Variants in RYR3 observed in about 807,000 individuals in gnomAD.
RYR3 encodes the protein ryanodine receptor 3.
In RYR3, 207 loss-of-function variants were observed where a neutral mutation model predicts 584.3. The ratio of observed to expected loss-of-function variants is 0.35; its 90% CI spans 0.32 to 0.40. The LOEUF is 0.40. Among genes scored for constraint, RYR3 ranks in the 10% least tolerant of loss-of-function variants. The probability of loss-of-function intolerance (pLI) is 1.00; values close to 1 mark genes in which losing one functional copy is unlikely to be tolerated. For synonymous variants in RYR3, 2,416 were observed against 2,248.5 expected (o/e 1.07, Z -2.11); for missense variants, 5,616 against 6,089.2 (o/e 0.92, Z 2.59).
intron 72 of RYR3, 119 bp downstream of exon 72, chr15:33,811,156 A>G: frequency 1.2e-6 from 1 of 855,620 alleles, no homozygotes; most frequent in Non-Finnish European, 1.9e-6. Flanking sequence ...GTTTGGGGGT[A>G]TTTGTGTTTA....
At chr15:33,591,631 G>T (rs896952212) in intron 16 of RYR3, among the ~76,000 whole-genome samples, 3 of 152,096 alleles carry the variant, frequency 2.0e-5, no homozygotes, top group Non-Finnish European at 4.4e-5. Flanking sequence ...TATAAATAAT[G>T]TATGCATTTT....
At chr15:33,716,140 G>C (rs1001167078) in intron 43 of RYR3, among the ~76,000 whole-genome samples, 9 of 152,112 alleles carry the variant, frequency 5.9e-5, no homozygotes, top group African/African-American at 2.2e-4. Context: ...ATGAGTAAAA[G>C]TTTCCCAAGG....
intron 12 of RYR3, among the ~76,000 whole-genome samples, chr15:33,574,523 G>A (rs1310577522): frequency 2.6e-5 from 4 of 152,128 alleles, no homozygotes; most frequent in Non-Finnish European, 5.9e-5. Flanking sequence ...GCCAGGCACT[G>A]CTAGGAGTTG....
chr15:33,394,375 C>T (rs562533958), intron 1 of RYR3, among the ~76,000 whole-genome samples: 10 of 152,234 alleles, frequency 6.6e-5, no homozygotes, highest in Middle Eastern at 3.4e-3. Context: ...GCAGAAAAAT[C>T]GGAGTATGTA....
At chr15:33,463,612 G>T (rs904644725) in intron 1 of RYR3, among the ~76,000 whole-genome samples, 2 of 152,122 alleles carry the variant, frequency 1.3e-5, no homozygotes, top group Non-Finnish European at 2.9e-5. Context: ...AGCATGTTCT[G>T]CCTGAGAGAG....
intron 38 of RYR3, among the ~76,000 whole-genome samples, chr15:33,686,993 T>C (rs540007875): frequency 1.3e-5 from 2 of 152,328 alleles, no homozygotes; most frequent in African/African-American, 4.8e-5. Context: ...AGCATTCCCT[T>C]TGAAAATCGG....
chr15:33,311,044 C>T lies in RYR3; in HGVS notation c.-2C>T, dbSNP rs1215737669. 1 of 1,579,910 alleles carries T rather than the reference C, an allele frequency of 6.3e-7. No homozygotes were observed. Among genetic ancestry groups the T allele is most frequent in the Non-Finnish European group, 8.6e-7 (1 of 1,164,712 alleles). Reference sequence around the variant, plus strand: ...TGGGGCACCGCCGACGCCTCGGGAGCCATGGCCGAAGGGGGAGAAGGAGGC... The same window carrying T: ...TGGGGCACCGCCGACGCCTCGGGAGTCATGGCCGAAGGGGGAGAAGGAGGC... On this transcript the variant is annotated 5_prime_UTR_variant, in exon 1 of 104. Transcript: ENST00000634891. The surrounding 1 kb of genome is among the most constrained non-coding windows in gnomAD (Gnocchi z 4.4).
chr15:33,706,132 A>G lies in RYR3; in HGVS notation c.6484-787A>G, dbSNP rs564912003. On this transcript the variant is annotated intron_variant, in intron 42 of 103. Coordinates refer to ENST00000634891, the MANE Select transcript of RYR3 (RefSeq NM_001036.6). ...TTAGAATTTCACAGGCCTCACAGCTATCTTATAAAAAAAAAAATAAAAACT... is the reference window on the plus strand; with the variant it reads ...TTAGAATTTCACAGGCCTCACAGCTGTCTTATAAAAAAAAAAATAAAAACT... 3.3e-5 allele frequency among the ~76,000 whole-genome samples: 5 copies of G among 152,204 alleles called. 1 individual carries two copies. The highest frequency in any genetic ancestry group is 4.2e-4 in the South Asian group (2 of 4,812).
intron 1 of RYR3, among the ~76,000 whole-genome samples, chr15:33,423,209 G>A (rs2044360749): frequency 6.6e-6 from 1 of 151,962 alleles, no homozygotes; most frequent in Admixed American, 6.6e-5. Context: ...CTGTGTCTAT[G>A]GATTTGCCTA....
Position 33,813,692 on chromosome 15 carries a change from G to A in RYR3, c.10502+113G>A, listed in dbSNP as rs942464346. ...CAAGGAATAGAAATTGGAATCCTTGGCCTATGGAGCTATTGCAGTCTGCAT... is the reference window on the plus strand; with the variant it reads ...CAAGGAATAGAAATTGGAATCCTTGACCTATGGAGCTATTGCAGTCTGCAT... On this transcript the variant is annotated intron_variant, in intron 74 of 103. Transcript: ENST00000634891. 8 of 869,854 alleles carry A rather than the reference G, an allele frequency of 9.2e-6. No homozygotes were observed. In the African/African-American group the frequency reaches 1.2e-4, roughly 13 times the overall value. The allele number at this position is 869,854 out of a possible 1,614,324, so 53.9% of individuals were successfully genotyped here.
chr15:33,498,673 G>A (rs2572161), intron 2 of RYR3, among the ~76,000 whole-genome samples: 7,210 of 152,106 alleles, frequency 0.047, 444 homozygotes, highest in African/African-American at 0.14. Context: ...CTGTGCACAA[G>A]CTTTTTTGAT....
In RYR3 at chr15:33,373,257, C is replaced by T. The variant is rs1412830330; in HGVS notation, c.51+62161C>T. Among the ~76,000 whole-genome samples the T allele has an allele frequency of 3.3e-5, 5 of 152,322 alleles. No individual in the cohort carries two copies. The East Asian group carries it at 5.8e-4, about 18-fold the overall frequency. On this transcript the variant is annotated intron_variant, in intron 1 of 103. Transcript: ENST00000634891. The stretch of plus-strand genomic sequence containing the variant: ...ATACATCTCCATATGGTGTTACAGT[C>T]CTTACATCTTTCCTCTTCCCTTTTC...
intron 36 of RYR3, among the ~76,000 whole-genome samples, chr15:33,668,392 G>C (rs114972714): frequency 0.014 from 2,099 of 152,068 alleles, 45 homozygotes; most frequent in African/African-American, 0.048. Context: ...AATACATGTA[G>C]AGTATAAAAG....
chr15:33,645,252 G>T (rs1332862280), intron 28 of RYR3, among the ~76,000 whole-genome samples: 3 of 152,044 alleles, frequency 2.0e-5, no homozygotes, highest in Non-Finnish European at 4.4e-5. Flanking sequence ...TTTAGTTCTG[G>T]CCCTACATGG....
chr15:33,359,775 A>T lies in RYR3; in HGVS notation c.51+48679A>T, dbSNP rs2596180. ...CTGGGACTACAGGCGCCCACCACCA[A>T]GCCTGGCTAATTTTTTTTGTATTTT... On this transcript the variant is annotated intron_variant, in intron 1 of 103. Coordinates refer to ENST00000634891, the MANE Select transcript of RYR3 (RefSeq NM_001036.6). Among the ~76,000 whole-genome samples the T allele has an allele frequency of 1.3e-4, 20 of 151,810 alleles. No individual in the cohort carries two copies. The East Asian group carries it at 3.5e-3, about 26-fold the overall frequency.
At chr15:33,314,892 C>T (rs893997214) in intron 1 of RYR3, among the ~76,000 whole-genome samples, 1 of 150,898 alleles carries the variant, frequency 6.6e-6, no homozygotes, top group Non-Finnish European at 1.5e-5. Flanking sequence ...CTAGCCTGGG[C>T]GGCAGAGCAA....
At chr15:33,628,665 C>T in intron 21 of RYR3, 90 bp downstream of exon 21, 1 of 810,042 alleles carries the variant, frequency 1.2e-6, no homozygotes. Flanking sequence ...GTTTTCATTG[C>T]ATTCACTAGT....
At position 33,857,878 on chromosome 15, in the gene RYR3, T is replaced by A; in HGVS notation, c.14106T>A (p.Asp4702Glu). The A allele has an allele frequency of 1.2e-6, 2 of 1,614,220 alleles. No homozygotes were observed. Among genetic ancestry groups the A allele is most frequent in the Non-Finnish European group, 1.7e-6 (2 of 1,180,036 alleles). Residue 4702 changes from aspartate to glutamate, a missense_variant, in exon 99 of 104, where the codon GAT (aspartate) becomes GAA (glutamate). Around this residue, in one of 9 missense-constraint regions of RYR3, gnomAD observed 918 missense variants for 887.4 expected, o/e 1.03. Coordinates refer to ENST00000634891, the MANE Select transcript of RYR3 (RefSeq NM_001036.6). ...AGTTCTACAACAAAAGCGAAGACGA[T>A]GACGAGCCCGATATGAAGTGCGACG... is the stretch of plus-strand genomic sequence containing the variant. ...FRKFYNKSED[D>E]DEPDMKCDDM...
chr15:33,842,384 G>A (rs1181264557), intron 91 of RYR3, among the ~76,000 whole-genome samples: 1 of 152,218 alleles, frequency 6.6e-6, no homozygotes, highest in Non-Finnish European at 1.5e-5. Context: ...GAAGTGTTTT[G>A]ATCACGTGGG....
Sources: gnomAD v4.1 joint callset for allele counts (sites outside exome capture counted in the v4.1 genomes callset) on GRCh38, gnomAD v4.1.1 for gene constraint, gnomAD v4.1.1 regional missense constraint, Gnocchi (gnomAD v3.1) non-coding constraint, MANE v1.5 for transcripts, NCBI Gene and HGNC (gene_info 2026-07-23, HGNC 2026-07-21) for gene names.